The following GRID2 variants were observed in gnomAD, a reference collection of about 807,000 sequenced individuals.
GRID2 encodes the protein glutamate receptor ionotropic, delta-2.
In GRID2, 33 loss-of-function variants were observed where a neutral mutation model predicts 114.8. The observed-to-expected ratio is 0.29, with a 90% CI of 0.22 to 0.38. GRID2 has a LOEUF of 0.38. Among genes scored for constraint, GRID2 ranks in the 10% least tolerant of loss-of-function variants. The pLI, the probability that GRID2 is intolerant of heterozygous loss-of-function variation, is 1.00. For synonymous variants in GRID2, 505 were observed against 449.9 expected, an observed-to-expected ratio of 1.12 and a Z score of -1.55; for missense variants, 1,184 against 1,257.7, an observed-to-expected ratio of 0.94 and a Z score of 0.89.
intron 1 of GRID2, among the ~76,000 whole-genome samples, chr4:92,451,377 A>G (rs1410532701): frequency 6.6e-6 from 1 of 152,228 alleles, no homozygotes; most frequent in Non-Finnish European, 1.5e-5. Flanking sequence ...GAATGAAGAC[A>G]GAATAGCTGA....
intron 1 of GRID2, among the ~76,000 whole-genome samples, chr4:92,427,693 G>A (rs925623149): frequency 2.6e-5 from 4 of 152,132 alleles, no homozygotes; most frequent in East Asian, 1.9e-4. Flanking sequence ...CAAATAGAGC[G>A]AATAGACCAA....
chr4:92,798,784 C>T (rs1029157413), intron 2 of GRID2, among the ~76,000 whole-genome samples: 3 of 152,014 alleles, frequency 2.0e-5, no homozygotes, highest in Non-Finnish European at 4.4e-5. Flanking sequence ...ATGTTCTCCT[C>T]TTTTGTACTT....
chr4:93,217,771 G>A (rs116590283), intron 6 of GRID2, among the ~76,000 whole-genome samples: 3,275 of 151,840 alleles, frequency 0.022, 56 homozygotes, highest in Non-Finnish European at 0.032. Flanking sequence ...ACTCCTAAAG[G>A]TATCACTGCA....
chr4:92,578,387 C>T (rs888487989), intron 1 of GRID2, among the ~76,000 whole-genome samples: 3 of 148,034 alleles, frequency 2.0e-5, no homozygotes, highest in East Asian at 2.0e-4. Context: ...TTTGTCCTTG[C>T]GATAGTTTAC....
chr4:93,384,921 A>C (rs2149314050), intron 8 of GRID2, among the ~76,000 whole-genome samples: 1 of 152,318 alleles, frequency 6.6e-6, no homozygotes, highest in East Asian at 1.9e-4. Flanking sequence ...AGAACACATA[A>C]ATCCACAAGG....
At chr4:92,589,311 A>G (rs1267386655) in intron 1 of GRID2, among the ~76,000 whole-genome samples, 1 of 152,252 alleles carries the variant, frequency 6.6e-6, no homozygotes, top group African/African-American at 2.4e-5. Context: ...TGTTTAATAC[A>G]TACAATGTGA....
At chr4:93,682,851 G>C (rs1410982926) in intron 14 of GRID2, among the ~76,000 whole-genome samples, 4 of 149,128 alleles carry the variant, frequency 2.7e-5, no homozygotes, top group Non-Finnish European at 6.0e-5. Flanking sequence ...TTAATGGGTG[G>C]AGCACACCAG....
intron 8 of GRID2, among the ~76,000 whole-genome samples, chr4:93,361,465 G>GTGATGA (rs1384185062): frequency 1.4e-5 from 2 of 143,072 alleles, no homozygotes; most frequent in African/African-American, 5.3e-5. Flanking sequence ...AAATGTTACT[G>GTGATGA]TGATTATTAT....
intron 2 of GRID2, among the ~76,000 whole-genome samples, chr4:92,972,233 CT>C (rs765053590): frequency 3.3e-5 from 5 of 150,638 alleles, no homozygotes; most frequent in Non-Finnish European, 5.9e-5. Context: ...CTGATAACAG[CT>C]ATCCTAACTG....
At position 92,878,524 on chromosome 4, in the gene GRID2, T is replaced by C. The variant is rs184418885; in HGVS notation, c.245-206471T>C. 4.5e-4 allele frequency among the ~76,000 whole-genome samples: 69 copies of C among 152,180 alleles called. 1 individual carries two copies. Among genetic ancestry groups the C allele is most frequent in the Non-Finnish European group, 8.8e-4 (60 of 67,980 alleles). On this transcript the variant is annotated intron_variant, in intron 2 of 15. Coordinates refer to ENST00000282020, the MANE Select transcript of GRID2 (RefSeq NM_001510.4). Reference sequence around the variant, plus strand: ...TGGATGGTAGTTTGAACTTTAAAAGTCTCTATTATTAAGAAGTTCAAGATG... The same window carrying C: ...TGGATGGTAGTTTGAACTTTAAAAGCCTCTATTATTAAGAAGTTCAAGATG...
chr4:93,309,164 C>T (rs946238566), intron 8 of GRID2, among the ~76,000 whole-genome samples: 6 of 152,132 alleles, frequency 3.9e-5, no homozygotes, highest in African/African-American at 1.4e-4. Context: ...AATATGTATT[C>T]CTTTAGGTTC....
chr4:92,976,172 ATAAT>A (rs1753859473), intron 2 of GRID2, among the ~76,000 whole-genome samples: 1 of 152,144 alleles, frequency 6.6e-6, no homozygotes, highest in African/African-American at 2.4e-5. Context: ...GTCATAATAA[ATAAT>A]GATCTGGTCA....
chr4:92,944,175 C>T (rs1277102395), intron 2 of GRID2, among the ~76,000 whole-genome samples: 1 of 152,220 alleles, frequency 6.6e-6, no homozygotes, highest in Non-Finnish European at 1.5e-5. Context: ...GCCCTGCCCC[C>T]AGATGTGGAG....
intron 4 of GRID2, among the ~76,000 whole-genome samples, chr4:93,201,783 C>T (rs1289639831): frequency 6.6e-6 from 1 of 152,122 alleles, no homozygotes; most frequent in African/African-American, 2.4e-5. Context: ...TTTAGCACAT[C>T]TAAAGATTTG....
intron 2 of GRID2, among the ~76,000 whole-genome samples, chr4:92,829,131 G>T (rs1040541873): frequency 6.6e-6 from 1 of 152,006 alleles, no homozygotes; most frequent in Non-Finnish European, 1.5e-5. Context: ...TTTCTTCTAG[G>T]GTTTTTATAG....
At chr4:93,223,905 A>G (rs1214039618) in intron 6 of GRID2, among the ~76,000 whole-genome samples, 4 of 152,172 alleles carry the variant, frequency 2.6e-5, no homozygotes, top group African/African-American at 7.2e-5. Context: ...TTATTTTTCA[A>G]TCTATGTAGA....
intron 11 of GRID2, among the ~76,000 whole-genome samples, chr4:93,476,591 C>G (rs1310033652): frequency 6.6e-6 from 1 of 152,030 alleles, no homozygotes; most frequent in Non-Finnish European, 1.5e-5. Flanking sequence ...AAGAATGAGG[C>G]TACTTGGTTT....
At chr4:92,489,844 T>TAAA (rs34912004) in intron 1 of GRID2, among the ~76,000 whole-genome samples, 3 of 132,662 alleles carry the variant, frequency 2.3e-5, no homozygotes, top group African/African-American at 8.4e-5. Context: ...AGACTCCATT[T>TAAA]AAAAAAAAAA....
chr4:93,749,204 T>G (rs765276538), intron 14 of GRID2, among the ~76,000 whole-genome samples: 6 of 152,224 alleles, frequency 3.9e-5, no homozygotes, highest in Non-Finnish European at 7.3e-5. Flanking sequence ...AAGTTTTGTT[T>G]TATTTTGTTA....
Sources: gnomAD v4.1 joint callset for allele counts (sites outside exome capture counted in the v4.1 genomes callset) on GRCh38, gnomAD v4.1.1 for gene constraint, MANE v1.5 for transcripts, NCBI Gene and HGNC (gene_info 2026-07-23, HGNC 2026-07-21) for gene names.